The following OR6J1 variants were observed in gnomAD, a reference collection of about 807,000 sequenced individuals.
OR6J1 encodes olfactory receptor 6J1.
For missense variants in OR6J1, 304 were observed against 166.8 expected (o/e 1.82, Z -4.53); for synonymous variants, 109 against 70.0 (o/e 1.56, Z -2.78).
intron 1 of OR6J1, among the ~76,000 whole-genome samples, chr14:22,639,554 TG>T (rs1311922235): frequency 1.6e-5 from 2 of 128,026 alleles, no homozygotes; most frequent in East Asian, 4.1e-4. Flanking sequence ...GCGGGAAAGG[TG>T]GGGAAAAGAT....
At position 22,636,897 on chromosome 14, in the gene OR6J1, T is replaced by C. The variant is rs1344339435; in HGVS notation, c.-27-2059A>G. 9.3e-5 allele frequency among the ~76,000 whole-genome samples: 11 copies of C among 117,674 alleles called. 1 individual carries two copies. The highest frequency in any genetic ancestry group is 2.8e-4 in the African/African-American group (6 of 21,206). 77.2% of individuals were successfully genotyped at this position (117,674 alleles called of 152,430 possible). A position where few individuals can be genotyped will look rare whatever the true frequency, so the allele number is the denominator to read the frequency against. ...CCCATCGTCTGGGATATGAGGAGCC[T>C]CTCTGCCTGGCTGCCCAGTCTGGAA... On this transcript the variant is annotated intron_variant, in intron 1 of 1. Coordinates refer to ENST00000540461, the MANE Select transcript of OR6J1 (RefSeq NM_001348233.2).
intron 1 of OR6J1, among the ~76,000 whole-genome samples, chr14:22,642,989 T>C (rs533042738): frequency 1.3e-5 from 2 of 149,802 alleles, no homozygotes; most frequent in Middle Eastern, 3.5e-3. Flanking sequence ...TTTTTTGAGA[T>C]GGAGTTTTAC....
rs776216161 is a variant in OR6J1, at chr14:22,634,633, A to G, written c.179T>C (p.Phe60Ser). Residue 60 changes from phenylalanine (F) to serine (S), a missense_variant, in exon 2 of 2, where the codon TTC becomes TCC. Transcript: ENST00000540461. ...CAGGATAGAGAGGTTGCACAAGAAGAAGTACATGGGGGTGTGGAGGCGGGA... is the reference window on the plus strand; with the variant it reads ...CAGGATAGAGAGGTTGCACAAGAAGGAGTACATGGGGGTGTGGAGGCGGGA... ...SCSRLHTPMY[F>S]FLCNLSILDI... 5.4e-5 allele frequency: 40 copies of G among 742,962 alleles called. No individual in the cohort carries two copies. The highest frequency in any genetic ancestry group is 9.4e-5 in the Non-Finnish European group (38 of 402,586). The allele number at this position is 742,962 out of a possible 1,614,324, so 46.0% of individuals were successfully genotyped here.
intron 1 of OR6J1, among the ~76,000 whole-genome samples, chr14:22,643,081 C>T (rs549378990): frequency 2.6e-5 from 4 of 151,752 alleles, no homozygotes; most frequent in Non-Finnish European, 5.9e-5. Context: ...GATTCTCCAG[C>T]CTCAGCCTCC....
At chr14:22,637,695 C>A (rs2037602812) in intron 1 of OR6J1, among the ~76,000 whole-genome samples, 1 of 80,062 alleles carries the variant, frequency 1.2e-5, no homozygotes, top group Non-Finnish European at 2.5e-5. Context: ...GGGGGGTCAG[C>A]CCCCCGCCCG....
At chr14:22,635,211 C>G (rs2037575572) in intron 1 of OR6J1, among the ~76,000 whole-genome samples, 1 of 152,098 alleles carries the variant, frequency 6.6e-6, no homozygotes, top group African/African-American at 2.4e-5. Flanking sequence ...ATATTCACCA[C>G]AGAATTTTTT....
chr14:22,636,711 C>T (rs1171591609), intron 1 of OR6J1, among the ~76,000 whole-genome samples: 1 of 116,634 alleles, frequency 8.6e-6, no homozygotes, highest in Non-Finnish European at 1.7e-5. Flanking sequence ...CTCGTTCACT[C>T]AGTGCTCAGT....
chr14:22,637,421 C>T (rs2037598856), intron 1 of OR6J1, among the ~76,000 whole-genome samples: 1 of 37,996 alleles, frequency 2.6e-5, no homozygotes, highest in Non-Finnish European at 5.0e-5. Context: ...GGGGGTCAGC[C>T]CCCCGCCCGG....
Position 22,631,580 on chromosome 14 carries a change from G to A in OR6J1, c.*2188C>T, listed in dbSNP as rs1011404987. 1 of 152,158 alleles carries A rather than the reference G, an allele frequency of 6.6e-6. No individual in the cohort carries two copies. Among genetic ancestry groups the A allele is most frequent in the African/African-American group, 2.4e-5 (1 of 41,414 alleles). The allele number at this position is 152,158 out of a possible 1,614,324, so 9.4% of individuals were successfully genotyped here. A position where few individuals can be genotyped will look rare whatever the true frequency, so the allele number is the denominator to read the frequency against. On this transcript the variant is annotated 3_prime_UTR_variant, in exon 2 of 2. Coordinates refer to ENST00000540461, the MANE Select transcript of OR6J1 (RefSeq NM_001348233.2). ...TCCAAGGTGCCCAGATTTCGTATTTGTTCAAACACACATGCTCTACAATTT... is the reference window on the plus strand; with the variant it reads ...TCCAAGGTGCCCAGATTTCGTATTTATTCAAACACACATGCTCTACAATTT...
chr14:22,633,362 T>C lies in OR6J1; in HGVS notation c.*406A>G, dbSNP rs2037559901. ...GATATGATAGTGGATTAGAGAATAA[T>C]GAAGGTTATTTCTAAAAAGATCCTG... On this transcript the variant is annotated 3_prime_UTR_variant, in exon 2 of 2. Transcript: ENST00000540461. 5.9e-6 allele frequency: 1 copy of C among 169,690 alleles called. No homozygotes were observed. Among genetic ancestry groups the C allele is most frequent in the Admixed American group, 5.6e-5 (1 of 17,808 alleles). The allele number at this position is 169,690 out of a possible 1,614,324, so 10.5% of individuals were successfully genotyped here. A position where few individuals can be genotyped will look rare whatever the true frequency, so the allele number is the denominator to read the frequency against.
At chr14:22,635,758 T>G (rs911654995) in intron 1 of OR6J1, among the ~76,000 whole-genome samples, 2 of 152,170 alleles carry the variant, frequency 1.3e-5, no homozygotes, top group Non-Finnish European at 2.9e-5. Context: ...AAAGTAAAAT[T>G]GATTCCCAAT....
chr14:22,637,106 CCTGT>C (rs2037594468), intron 1 of OR6J1, among the ~76,000 whole-genome samples: 2 of 118,348 alleles, frequency 1.7e-5, no homozygotes, highest in Admixed American at 7.4e-5. Context: ...TGGCCGCAAC[CCTGT>C]CTGAGAGGTG....
chr14:22,641,967 G>A (rs1039248379), intron 1 of OR6J1, among the ~76,000 whole-genome samples: 2 of 152,096 alleles, frequency 1.3e-5, no homozygotes, highest in African/African-American at 4.8e-5. Flanking sequence ...TGACTAAGAA[G>A]AATATGGATT....
At chr14:22,636,539 T>G (rs1418251902) in intron 1 of OR6J1, among the ~76,000 whole-genome samples, 2 of 112,386 alleles carry the variant, frequency 1.8e-5, no homozygotes, top group South Asian at 2.6e-4. Context: ...GCCTGCTGAG[T>G]GCCTGCGATT....
Position 22,636,113 on chromosome 14 carries a change from T to C in OR6J1, c.-27-1275A>G, listed in dbSNP as rs554129132. On this transcript the variant is annotated intron_variant, in intron 1 of 1. Transcript: ENST00000540461. ...AGTAAGAAATAGATAAGCAATCCAA[T>C]AGAAAGATGGGCCAAACATGCTACC... 2.0e-5 allele frequency among the ~76,000 whole-genome samples: 3 copies of C among 151,708 alleles called. No homozygotes were observed. The South Asian group carries it at 6.2e-4, about 32-fold the overall frequency.
rs1211181749 is a variant in OR6J1, at chr14:22,644,045, G to T, written c.-28+53C>A. ...AGATACACACCTGAGATTATAACAG[G>T]AACAGCTGCTCCCAGCCAGCCCCCA... On this transcript the variant is annotated intron_variant, in intron 1 of 1. Coordinates refer to ENST00000540461, the MANE Select transcript of OR6J1 (RefSeq NM_001348233.2). 5 of 152,364 alleles carry T rather than the reference G, an allele frequency of 3.3e-5. No homozygotes were observed. The Middle Eastern group carries it at 0.01, about 311-fold the overall frequency. 9.4% of individuals were successfully genotyped at this position (152,364 alleles called of 1,614,324 possible). A position where few individuals can be genotyped will look rare whatever the true frequency, so the allele number is the denominator to read the frequency against.
chr14:22,633,325 G>GA lies in OR6J1; in HGVS notation c.*442dup, dbSNP rs879511076. 3.3e-4 allele frequency: 50 copies of GA among 151,794 alleles called. No individual in the cohort carries two copies. The highest frequency in any genetic ancestry group is 3.1e-3 in the Middle Eastern group (1 of 322). The allele number at this position is 151,794 out of a possible 1,614,324, so 9.4% of individuals were successfully genotyped here. On this transcript the variant is annotated 3_prime_UTR_variant, in exon 2 of 2. Transcript: ENST00000540461. ...CCCAACACAATCATTGCAAATGCCC[G>GA]AAAAAAAAATGGATATGATAGTGGA...
At position 22,644,229 on chromosome 14, in the gene OR6J1, T is replaced by C. The variant is rs1213935642; in HGVS notation, c.-159A>G. ...TGCATTCCACATGAGAGCAGCAGTG[T>C]TTGACAGGTGAAATGAGCCCTTCCC... On this transcript the variant is annotated 5_prime_UTR_variant, in exon 1 of 2. Coordinates refer to ENST00000540461, the MANE Select transcript of OR6J1 (RefSeq NM_001348233.2). 1.3e-5 allele frequency: 2 copies of C among 152,260 alleles called. No individual in the cohort carries two copies. The highest frequency in any genetic ancestry group is 6.5e-5 in the Admixed American group (1 of 15,278). 9.4% of individuals were successfully genotyped at this position (152,260 alleles called of 1,614,324 possible).
At chr14:22,641,724 C>T (rs1167866475) in intron 1 of OR6J1, among the ~76,000 whole-genome samples, 2 of 151,948 alleles carry the variant, frequency 1.3e-5, no homozygotes, top group Middle Eastern at 3.2e-3. Context: ...AATTGCATGC[C>T]CTCGCACAGC....
Sources: allele counts gnomAD v4.1 joint callset (sites outside exome capture counted in the v4.1 genomes callset), GRCh38; gene constraint gnomAD v4.1.1; transcripts MANE v1.5; gene names NCBI Gene and HGNC (gene_info 2026-07-23, HGNC 2026-07-21).